The following OR13G1 variants were observed in gnomAD, a reference collection of about 807,000 sequenced individuals.
The protein encoded by OR13G1 is olfactory receptor 13G1.
For missense variants in OR13G1, 369 were observed against 385.7 expected (o/e 0.96, Z 0.36); for synonymous variants, 128 against 136.2 (o/e 0.94, Z 0.42).
At position 247,672,028 on chromosome 1, in the gene OR13G1, G is replaced by A; in HGVS notation, c.*90C>T. 9.6e-7 allele frequency: 1 copy of A among 1,045,038 alleles called. No individual in the cohort carries two copies. The highest frequency in any genetic ancestry group is 1.4e-6 in the Non-Finnish European group (1 of 719,398). 64.7% of individuals were successfully genotyped at this position (1,045,038 alleles called of 1,614,324 possible). A position where few individuals can be genotyped will look rare whatever the true frequency, so the allele number is the denominator to read the frequency against. On this transcript the variant is annotated 3_prime_UTR_variant, in exon 2 of 2. Transcript: ENST00000642119. Reference sequence around the variant, plus strand: ...AGGAATAAGAGGGAAGGGAAAATTGGAGTGGAGGTAAGTATGAAAAACCAG... The same window carrying A: ...AGGAATAAGAGGGAAGGGAAAATTGAAGTGGAGGTAAGTATGAAAAACCAG...
intron 1 of OR13G1, among the ~76,000 whole-genome samples, chr1:247,677,015 T>C (rs549508848): frequency 1.1e-3 from 166 of 152,284 alleles, no homozygotes; most frequent in African/African-American, 4.0e-3. Flanking sequence ...CCCAGCACTT[T>C]GGCAGGCTGG....
At chr1:247,676,386 G>A (rs2103158364) in intron 1 of OR13G1, among the ~76,000 whole-genome samples, 1 of 152,100 alleles carries the variant, frequency 6.6e-6, no homozygotes, top group Non-Finnish European at 1.5e-5. Flanking sequence ...AAATGTATTT[G>A]AAAAGATTGA....
At chr1:247,677,983 A>T (rs1307137754) in intron 1 of OR13G1, among the ~76,000 whole-genome samples, 2 of 152,094 alleles carry the variant, frequency 1.3e-5, no homozygotes, top group Non-Finnish European at 2.9e-5. Flanking sequence ...ACATGCCTGT[A>T]ATCCAGCTAC....
chr1:247,672,091 C>T lies in OR13G1; in HGVS notation c.*27G>A. 1 of 1,572,530 alleles carries T rather than the reference C, an allele frequency of 6.4e-7. No individual in the cohort carries two copies. The highest frequency in any genetic ancestry group is 8.7e-7 in the Non-Finnish European group (1 of 1,151,276). ...TGCTCTAGAAGATGGTTCTGGAGTACAGAAGTGATGTTGCATGTTGAAACT... is the reference window on the plus strand; with the variant it reads ...TGCTCTAGAAGATGGTTCTGGAGTATAGAAGTGATGTTGCATGTTGAAACT... On this transcript the variant is annotated 3_prime_UTR_variant, in exon 2 of 2. Transcript: ENST00000642119.
Position 247,672,836 on chromosome 1 carries a change from A to G in OR13G1, c.206T>C (p.Ile69Thr), listed in dbSNP as rs1164850955. The change falls in exon 2 of 2, where the codon ATC (isoleucine) becomes ACC (threonine). Residue 69 changes from isoleucine to threonine, a missense_variant. Coordinates refer to ENST00000642119, the MANE Select transcript of OR13G1 (RefSeq NM_001005487.2). ...CTTCGGTATGATGCTTGTTGTGCAG[A>G]TGATGTCCACAACAGCCAGTGTCAG... is the stretch of plus-strand genomic sequence containing the variant. Reference protein sequence around the residue: ...FLLTLAVVDIICTTSIIPKML... With the variant: ...FLLTLAVVDITCTTSIIPKML... The G allele has an allele frequency of 2.7e-5, 43 of 1,614,014 alleles. No homozygotes were observed. The highest frequency in any genetic ancestry group is 3.6e-5 in the Non-Finnish European group (43 of 1,179,984).
chr1:247,671,541 T>A lies in OR13G1; in HGVS notation c.*577A>T. On this transcript the variant is annotated 3_prime_UTR_variant, in exon 2 of 2. Coordinates refer to ENST00000642119, the MANE Select transcript of OR13G1 (RefSeq NM_001005487.2). ...GACTGGAGTAATATTCTGTCACTTT[T>A]TCCTGAACACATGGAGACTTTAGAG... 1 of 155,226 alleles carries A rather than the reference T, an allele frequency of 6.4e-6. No individual in the cohort carries two copies. The highest frequency in any genetic ancestry group is 2.0e-4 in the South Asian group (1 of 5,070). The allele number at this position is 155,226 out of a possible 1,614,324, so 9.6% of individuals were successfully genotyped here. A position where few individuals can be genotyped will look rare whatever the true frequency, so the allele number is the denominator to read the frequency against.
rs552767288 is a variant in OR13G1 at position 247,673,819 on chromosome 1, G to A, written c.-238-540C>T. On this transcript the variant is annotated intron_variant, in intron 1 of 1. Transcript: ENST00000642119. ...TTCATTTCATCATAGCTATAGACTGGCCATTTAAGCTCTGTAAGATTTGGA... is the reference window on the plus strand; with the variant it reads ...TTCATTTCATCATAGCTATAGACTGACCATTTAAGCTCTGTAAGATTTGGA... Among the ~76,000 whole-genome samples, 4 of 152,140 alleles carry A rather than the reference G, an allele frequency of 2.6e-5. 1 individual carries two copies. Among genetic ancestry groups the A allele is most frequent in the African/African-American group, 9.6e-5 (4 of 41,518 alleles).
intron 1 of OR13G1, among the ~76,000 whole-genome samples, chr1:247,677,166 C>T (rs975997611): frequency 1.3e-5 from 2 of 152,124 alleles, no homozygotes; most frequent in African/African-American, 4.8e-5. Flanking sequence ...TCGCTGGAGC[C>T]TGGGAGGCGG....
At chr1:247,679,613 T>G (rs796174297) in intron 1 of OR13G1, 27 bp downstream of exon 1, 4 of 151,874 alleles carry the variant, frequency 2.6e-5, no homozygotes, top group African/African-American at 9.7e-5. Flanking sequence ...AACTTAAGAA[T>G]TAGACAGTCT....
rs1659212005 is a variant in OR13G1, at chr1:247,671,930, A to G, written c.*188T>C. The G allele has an allele frequency of 5.2e-6, 3 of 578,452 alleles. No homozygotes were observed. The highest frequency in any genetic ancestry group is 3.2e-5 in the Admixed American group (1 of 30,878). 35.8% of individuals were successfully genotyped at this position (578,452 alleles called of 1,614,324 possible). A position where few individuals can be genotyped will look rare whatever the true frequency, so the allele number is the denominator to read the frequency against. On this transcript the variant is annotated 3_prime_UTR_variant, in exon 2 of 2. Coordinates refer to ENST00000642119, the MANE Select transcript of OR13G1 (RefSeq NM_001005487.2). ...ATATATTTATGTGAGGGTATTGTGC[A>G]TATTGCTTTATGAATATTCTTCACA...
Position 247,672,349 on chromosome 1 carries a change from C to T in OR13G1, c.693G>A (p.Lys231=), listed in dbSNP as rs61995673. 1.9e-6 allele frequency: 3 copies of T among 1,613,676 alleles called. No individual in the cohort carries two copies. Among genetic ancestry groups the T allele is most frequent in the South Asian group, 2.2e-5 (2 of 91,064 alleles). ...ATGAGCATGTTGAGAAGGCCTTCCTCTTGCCTTCTACTGTGCGGATACGGA... is the reference window on the plus strand; with the variant it reads ...ATGAGCATGTTGAGAAGGCCTTCCTTTTGCCTTCTACTGTGCGGATACGGA... ...AILRIRTVEG[K]RKAFSTCSSH... Residue 231 remains lysine (K), a synonymous_variant, in exon 2 of 2, where the codon AAG becomes AAA. Transcript: ENST00000642119.
intron 1 of OR13G1, among the ~76,000 whole-genome samples, chr1:247,674,010 A>T (rs558566489): frequency 1.6e-4 from 24 of 152,028 alleles, no homozygotes; most frequent in Non-Finnish European, 3.1e-4. Context: ...TTCCCCCAAA[A>T]CTTCCATAGC....
At chr1:247,674,523 A>G (rs933831545) in intron 1 of OR13G1, among the ~76,000 whole-genome samples, 2 of 152,296 alleles carry the variant, frequency 1.3e-5, no homozygotes, top group Admixed American at 1.3e-4. Flanking sequence ...AGAAAAAAAT[A>G]GAGCTTTTGT....
At chr1:247,674,273 C>G (rs1340329553) in intron 1 of OR13G1, among the ~76,000 whole-genome samples, 3 of 152,108 alleles carry the variant, frequency 2.0e-5, no homozygotes, top group Non-Finnish European at 4.4e-5. Context: ...TTAGATGAAT[C>G]TAGTGAAAGT....
At chr1:247,677,175 G>T (rs1659361566) in intron 1 of OR13G1, among the ~76,000 whole-genome samples, 1 of 152,130 alleles carries the variant, frequency 6.6e-6, no homozygotes, top group Admixed American at 6.5e-5. Context: ...CCTGGGAGGC[G>T]GAGGTTGCAG....
At position 247,673,005 on chromosome 1, in the gene OR13G1, C is replaced by T; in HGVS notation, c.37G>A (p.Gly13Ser). The T allele has an allele frequency of 6.2e-7, 1 of 1,613,014 alleles. No individual in the cohort carries two copies. Among genetic ancestry groups the T allele is most frequent in the Non-Finnish European group, 8.5e-7 (1 of 1,179,582 alleles). The stretch of plus-strand genomic sequence containing the variant: ...TGGAGTTCAGGCTTTTTGGTGAGGC[C>T]CAGAATAATGAACTCAGTTACAACG... ...HSVVTEFIILGLTKKPELQGI... is the reference protein window; with the variant it reads ...HSVVTEFIILSLTKKPELQGI... The change falls in exon 2 of 2, where the codon GGC (glycine) becomes AGC (serine). Residue 13 changes from glycine to serine, a missense_variant. Transcript: ENST00000642119.
intron 1 of OR13G1, among the ~76,000 whole-genome samples, chr1:247,674,937 A>G (rs191711018): frequency 2.1e-4 from 32 of 152,340 alleles, no homozygotes; most frequent in Admixed American, 8.5e-4. Flanking sequence ...TATTTTGAAT[A>G]CGAGATGATT....
Position 247,672,648 on chromosome 1 carries a change from T to C in OR13G1, c.394A>G (p.Ile132Val), listed in dbSNP as rs1151640. ...AICFPLHYST[I>V]MNHHMCVALL... ...GCTACACACATATGGTGGTTCATAA[T>C]AGTACTGTAATGAAGAGGGAAACAA... Residue 132 changes from isoleucine (I) to valine (V), a missense_variant, in exon 2 of 2, where the codon ATT becomes GTT. Transcript: ENST00000642119. 696,379 of 1,613,520 alleles carry C rather than the reference T, an allele frequency of 0.43. 155,796 individuals carry two copies. Among genetic ancestry groups the C allele is most frequent in the Admixed American group, 0.62 (37,417 of 59,938 alleles).
intron 1 of OR13G1, among the ~76,000 whole-genome samples, chr1:247,675,511 A>C (rs112770371): frequency 1.3e-5 from 2 of 152,188 alleles, no homozygotes; most frequent in African/African-American, 4.8e-5. Flanking sequence ...TTCTTCTTGT[A>C]ATGTCCTCAC....
Sources: allele counts gnomAD v4.1 joint callset (sites outside exome capture counted in the v4.1 genomes callset), GRCh38; gene constraint gnomAD v4.1.1; transcripts MANE v1.5; gene names NCBI Gene and HGNC (gene_info 2026-07-23, HGNC 2026-07-21).